The following FLNC variants were observed in gnomAD, a reference collection of about 807,000 sequenced individuals.
The protein encoded by FLNC is filamin-C.
In FLNC, 91 loss-of-function variants were observed where a neutral mutation model predicts 254.3. The ratio of observed to expected loss-of-function variants is 0.36; its 90% confidence interval spans 0.30 to 0.43. The LOEUF is 0.43. Ranked by LOEUF, FLNC falls within the 20% of genes least tolerant of loss-of-function variation. The pLI, the probability that FLNC is intolerant of heterozygous loss-of-function variation, is 1.00. For synonymous variants in FLNC, 1,430 were observed against 1,577.2 expected (o/e 0.91, Z 2.21); for missense variants, 2,853 against 3,802.6 (o/e 0.75, Z 6.57).
chr7:128,848,187 T>A, intron 26 of FLNC, 119 bp downstream of exon 26: 1 of 1,288,644 alleles, frequency 7.8e-7, no homozygotes, highest in South Asian at 1.3e-5. Context: ...CTCAGCCTCG[T>A]CCAGTCTCGC....
chr7:128,852,259 C>A (rs1034434642), intron 35 of FLNC, among the ~76,000 whole-genome samples: 1 of 152,218 alleles, frequency 6.6e-6, no homozygotes, highest in Non-Finnish European at 1.5e-5. Context: ...TACAGCCACA[C>A]AGCGAGGAAG....
chr7:128,842,780 C>T lies in FLNC; in HGVS notation c.2390-14C>T, dbSNP rs71581921. 0.011 allele frequency: 17,441 copies of T among 1,612,962 alleles called. 126 individuals are homozygous for T. The highest frequency in any genetic ancestry group is 0.012 in the Non-Finnish European group (14,319 of 1,179,768). ...GGCTGAGCCCAACTCACAGCAGTGC[C>T]CGCTTCTCTGCAGGCGACGTGAGCA... On this transcript the variant is annotated splice_polypyrimidine_tract_variant and intron_variant, in intron 15 of 47. Transcript: ENST00000325888. The surrounding 1 kb of genome is among the most constrained non-coding windows in gnomAD (Gnocchi z 5.4).
At chr7:128,833,170 G>A (rs1339936764) in intron 1 of FLNC, among the ~76,000 whole-genome samples, 4 of 151,598 alleles carry the variant, frequency 2.6e-5, no homozygotes, top group South Asian at 2.1e-4. Context: ...CGTTCCCTCC[G>A]AACAAAGAGG....
In FLNC at chr7:128,843,442, G is replaced by A. The variant is rs1808424916; in HGVS notation, c.2676G>A (p.Val892=). 1 of 1,614,134 alleles carries A rather than the reference G, an allele frequency of 6.2e-7. No individual in the cohort carries two copies. The change falls in exon 18 of 48, where the codon GTG becomes GTA. Residue 892 remains valine (V), a synonymous_variant. Transcript: ENST00000325888. The stretch of plus-strand genomic sequence containing the variant: ...TCGGGAAGCCCACCCACTTCACGGT[G>A]CTGACCAAGGGAGCCGGCAAGGCCA... ...VEVGKPTHFT[V]LTKGAGKAKL... is the part of the protein sequence containing the mutation.
At chr7:128,834,941 A>T (rs955449792) in intron 1 of FLNC, among the ~76,000 whole-genome samples, 1 of 152,204 alleles carries the variant, frequency 6.6e-6, no homozygotes, top group Admixed American at 6.5e-5. Flanking sequence ...ATTCTCTAGC[A>T]TGTGCAGTTT....
intron 37 of FLNC, 174 bp downstream of exon 37, chr7:128,853,205 A>C (rs188260164): frequency 1.4e-6 from 1 of 731,928 alleles, no homozygotes; most frequent in East Asian, 2.7e-5. Flanking sequence ...GCCCCGCATC[A>C]GTTCTCTCCC....
chr7:128,835,404 C>T lies in FLNC; in HGVS notation c.431C>T (p.Ser144Phe), dbSNP rs1225645939. The T allele has an allele frequency of 1.7e-5, 28 of 1,614,142 alleles. No homozygotes were observed. The highest frequency in any genetic ancestry group is 2.4e-5 in the Non-Finnish European group (28 of 1,180,020). ...IWTLILHYSI[S>F]MPMWEDEDDE... Reference sequence around the variant, plus strand: ...ACGCTGATCCTGCACTACTCCATCTCCATGCCCATGTGGGAGGATGAAGAT... The same window carrying T: ...ACGCTGATCCTGCACTACTCCATCTTCATGCCCATGTGGGAGGATGAAGAT... Residue 144 changes from serine (S) to phenylalanine (F), a missense_variant, in exon 2 of 48, where the codon TCC becomes TTC. Ser to Phe is a radical substitution (Grantham distance 155, BLOSUM62 -2). Transcript: ENST00000325888. This position sits in a 1 kb window ranked among gnomAD's most constrained non-coding sequence, Gnocchi z 5.3.
rs371167779 is a variant in FLNC, at chr7:128,850,882, T to G, written c.5478T>G (p.Tyr1826Ter). ...AGGACGGCACCATCACGGTGAGGTATGCACCCACTGAGAAAGGCCTGCACC... is the reference window on the plus strand; with the variant it reads ...AGGACGGCACCATCACGGTGAGGTAGGCACCCACTGAGAAAGGCCTGCACC... ...DNKDGTITVR[Y>*]APTEKGLHQM... The change falls in exon 33 of 48, where the codon TAT becomes TAG. Residue 1826 changes from tyrosine to a stop codon, truncating the protein, a stop_gained. Transcript: ENST00000325888. LOFTEE classifies it high-confidence loss of function. 1 of 1,612,088 alleles carries G rather than the reference T, an allele frequency of 6.2e-7. No homozygotes were observed. The highest frequency in any genetic ancestry group is 8.5e-7 in the Non-Finnish European group (1 of 1,179,854).
intron 1 of FLNC, among the ~76,000 whole-genome samples, chr7:128,834,660 T>G (rs1261053595): frequency 6.6e-6 from 1 of 152,142 alleles, no homozygotes; most frequent in African/African-American, 2.4e-5. Flanking sequence ...AAACCTAGTG[T>G]CTAGAGTGAA....
Position 128,857,899 on chromosome 7 carries a change from T to C in FLNC, c.7781-109T>C. ...GAGGAATTTGAGGGGGAGCCTCAAATGCAGGCAGTGAGTCCCACAGGGTGG... is the reference window on the plus strand; with the variant it reads ...GAGGAATTTGAGGGGGAGCCTCAAACGCAGGCAGTGAGTCCCACAGGGTGG... On this transcript the variant is annotated intron_variant, in intron 46 of 47. Transcript: ENST00000325888. This position sits in a 1 kb window ranked among gnomAD's most constrained non-coding sequence, Gnocchi z 4.5. 5 of 799,876 alleles carry C rather than the reference T, an allele frequency of 6.3e-6. No homozygotes were observed. Among genetic ancestry groups the C allele is most frequent in the Non-Finnish European group, 1.1e-5 (5 of 464,368 alleles). The allele number at this position is 799,876 out of a possible 1,614,324, so 49.5% of individuals were successfully genotyped here.
intron 37 of FLNC, 42 bp downstream of exon 37, chr7:128,853,073 C>G: frequency 1.3e-6 from 2 of 1,567,280 alleles, no homozygotes; most frequent in Non-Finnish European, 1.8e-6. Context: ...GCGGGTGCCT[C>G]CCACAGGCAC....
Position 128,855,111 on chromosome 7 carries a change from G to C in FLNC, c.7136-88G>C, listed in dbSNP as rs1585170362. ...TCCAGATCTGAGCGCTGACCACAGA[G>C]CCTTTCCTGGGATAAGGCCAGGGTG... On this transcript the variant is annotated intron_variant, in intron 42 of 47. Coordinates refer to ENST00000325888, the MANE Select transcript of FLNC (RefSeq NM_001458.5). 3.6e-6 allele frequency: 4 copies of C among 1,114,956 alleles called. No homozygotes were observed. In the East Asian group the frequency reaches 9.4e-5, roughly 26 times the overall value. The allele number at this position is 1,114,956 out of a possible 1,614,324, so 69.1% of individuals were successfully genotyped here.
intron 1 of FLNC, among the ~76,000 whole-genome samples, chr7:128,831,732 C>T (rs540837751): frequency 3.5e-4 from 46 of 131,066 alleles, no homozygotes; most frequent in African/African-American, 1.3e-3. Context: ...GTCTGGGCTG[C>T]GGGGAGGGAG....
chr7:128,857,149 G>C lies in FLNC; in HGVS notation c.7593G>C (p.Leu2531=). The C allele has an allele frequency of 6.2e-7, 1 of 1,614,182 alleles. No individual in the cohort carries two copies. Among genetic ancestry groups the C allele is most frequent in the Non-Finnish European group, 8.5e-7 (1 of 1,180,032 alleles). ...CATCAGAGTTCATCGTGAACACCCT[G>C]AATGCCGGCTCGGGGGCCTTGTCTG... is the stretch of plus-strand genomic sequence containing the variant. ...GVSSEFIVNT[L]NAGSGALSVT... is the part of the protein sequence containing the mutation. The change falls in exon 46 of 48, where the codon CTG becomes CTC. Residue 2531 remains leucine (L), a synonymous_variant. Coordinates refer to ENST00000325888, the MANE Select transcript of FLNC (RefSeq NM_001458.5). This position sits in a 1 kb window ranked among gnomAD's most constrained non-coding sequence, Gnocchi z 4.5.
In FLNC at chr7:128,856,526, G is replaced by T. The variant is rs755831714; in HGVS notation, c.7260G>T (p.Gly2420=). The T allele has an allele frequency of 3.1e-6, 5 of 1,612,266 alleles. No homozygotes were observed. Among genetic ancestry groups the T allele is most frequent in the Non-Finnish European group, 4.2e-6 (5 of 1,180,010 alleles). The change falls in exon 44 of 48, where the codon GGG becomes GGT. Residue 2420 remains glycine, a synonymous_variant. Coordinates refer to ENST00000325888, the MANE Select transcript of FLNC (RefSeq NM_001458.5). This position sits in a 1 kb window ranked among gnomAD's most constrained non-coding sequence, Gnocchi z 5.9. ...RLTVTSLQET[G]LKVNQPASFA... is the part of the protein sequence containing the mutation. ...CTCCGTGGCCTTTGCAGGAGACGGGGCTCAAGGTGAACCAGCCAGCGTCCT... is the reference window on the plus strand; with the variant it reads ...CTCCGTGGCCTTTGCAGGAGACGGGTCTCAAGGTGAACCAGCCAGCGTCCT...
At chr7:128,834,321 C>CTCCG (rs1554397033) in intron 1 of FLNC, among the ~76,000 whole-genome samples, 1 of 146,824 alleles carries the variant, frequency 6.8e-6, no homozygotes, top group African/African-American at 2.7e-5. Flanking sequence ...GCCCCCCCCC[C>CTCCG]CCAAATCTTG....
rs775231810 is a variant in FLNC, at chr7:128,852,866, G to A, written c.6043G>A (p.Val2015Met). 6 of 1,613,748 alleles carry A rather than the reference G, an allele frequency of 3.7e-6. No individual in the cohort carries two copies. The highest frequency in any genetic ancestry group is 3.3e-5 in the South Asian group (3 of 91,092). The change falls in exon 37 of 48, where the codon GTG (valine) becomes ATG (methionine). Residue 2015 changes from valine (V) to methionine (M), a missense_variant. Transcript: ENST00000325888. ...CCCCAAGGAGGTCGGGGAGCACGTG[G>A]TGAGCGTGCGCAAGAGTGGCAAGCA... ...FTPKEVGEHV[V>M]SVRKSGKHVT... is the part of the protein sequence containing the mutation.
chr7:128,831,004 C>A lies in FLNC; in HGVS notation c.352+15C>A. On this transcript the variant is annotated intron_variant, in intron 1 of 47. Transcript: ENST00000325888. ...CGTGTCCATAGGTCAGTGCCGGGGGCGAGGGCACGGGCGCTGCGGGGATAG... is the reference window on the plus strand; with the variant it reads ...CGTGTCCATAGGTCAGTGCCGGGGGAGAGGGCACGGGCGCTGCGGGGATAG... 6.2e-7 allele frequency: 1 copy of A among 1,601,528 alleles called. No individual in the cohort carries two copies. Among genetic ancestry groups the A allele is most frequent in the Non-Finnish European group, 8.5e-7 (1 of 1,178,456 alleles).
chr7:128,850,056 C>G lies in FLNC; in HGVS notation c.5280C>G (p.Gly1760=). Residue 1760 remains glycine (G), a synonymous_variant, in exon 31 of 48, where the codon GGC becomes GGG. Transcript: ENST00000325888. The stretch of plus-strand genomic sequence containing the variant: ...AGCCCTACGCTCCTCCCCGGCCCGG[C>G]GCCCGCCCCACACACTGGGTACTGC... The part of the protein sequence containing the change: ...LRQPYAPPRP[G]ARPTHWATEE... 5 of 1,541,992 alleles carry G rather than the reference C, an allele frequency of 3.2e-6. No individual in the cohort carries two copies. Among genetic ancestry groups the G allele is most frequent in the Non-Finnish European group, 3.5e-6 (4 of 1,148,930 alleles).
Sources: allele counts gnomAD v4.1 joint callset (sites outside exome capture counted in the v4.1 genomes callset), GRCh38; gene constraint gnomAD v4.1.1; non-coding constraint Gnocchi (gnomAD v3.1); transcripts MANE v1.5; gene names NCBI Gene and HGNC (gene_info 2026-07-23, HGNC 2026-07-21).